Variants in ZBTB8A observed in about 807,000 individuals in gnomAD.
ZBTB8A encodes the protein zinc finger and BTB domain containing 8A.
Under a neutral mutation model 37.8 loss-of-function variants are expected in ZBTB8A, and 19 were observed. That is an observed-to-expected ratio of 0.50 (90% confidence interval 0.35 to 0.74). ZBTB8A has a LOEUF of 0.74. Among genes scored for constraint, ZBTB8A ranks in the 30% least tolerant of loss-of-function variants. The pLI is 0.01. For missense variants in ZBTB8A, 394 were observed against 537.8 expected (o/e 0.73, Z 2.65); for synonymous variants, 181 against 185.2 (o/e 0.98, Z 0.19).
chr1:32,571,356 G>T (rs1644321499), intron 2 of ZBTB8A, among the ~76,000 whole-genome samples: 1 of 152,202 alleles, frequency 6.6e-6, no homozygotes, highest in Non-Finnish European at 1.5e-5. Context: ...GCCTTTAGCA[G>T]CTGAGGAAGT....
intron 2 of ZBTB8A, among the ~76,000 whole-genome samples, chr1:32,563,627 T>C (rs1239622623): frequency 6.6e-6 from 1 of 152,060 alleles, no homozygotes; most frequent in African/African-American, 2.4e-5. Flanking sequence ...CACACCCAGC[T>C]AATTTTTGTG....
chr1:32,561,027 A>G (rs551666770), intron 2 of ZBTB8A, among the ~76,000 whole-genome samples: 1 of 152,100 alleles, frequency 6.6e-6, no homozygotes, highest in East Asian at 1.9e-4. Flanking sequence ...GATTTGATCA[A>G]ATACTAAATC....
chr1:32,545,590 A>G (rs1046917152), intron 1 of ZBTB8A, among the ~76,000 whole-genome samples: 24 of 152,116 alleles, frequency 1.6e-4, no homozygotes, highest in Admixed American at 6.6e-4. Context: ...AGAACCCCCA[A>G]AACTGGAGGG....
chr1:32,592,647 C>A (rs374216133), intron 2 of ZBTB8A, among the ~76,000 whole-genome samples: 14 of 151,650 alleles, frequency 9.2e-5, no homozygotes, highest in South Asian at 2.1e-4. Flanking sequence ...GCTGGGATTA[C>A]AGGCACCCGC....
At chr1:32,558,395 A>C (rs962393680) in intron 2 of ZBTB8A, among the ~76,000 whole-genome samples, 7 of 151,610 alleles carry the variant, frequency 4.6e-5, no homozygotes, top group Non-Finnish European at 8.8e-5. Flanking sequence ...AGATCTTCTC[A>C]TCACACAGTA....
In ZBTB8A at chr1:32,593,359, A is replaced by G. The variant is rs756016709; in HGVS notation, c.428A>G (p.Asn143Ser). ...FSLSDKDANS[N>S]GVERSSFYSG... Reference sequence around the variant, plus strand: ...CTCTCAGATAAAGATGCCAATTCTAATGGTGTAGAACGTTCCTCTTTTTAT... The same window carrying G: ...CTCTCAGATAAAGATGCCAATTCTAGTGGTGTAGAACGTTCCTCTTTTTAT... The change falls in exon 3 of 5, where the codon AAT becomes AGT. Residue 143 changes from asparagine (N) to serine (S), a missense_variant. By Grantham distance (46) the Asn-to-Ser change is conservative. Coordinates refer to ENST00000373510, the MANE Select transcript of ZBTB8A (RefSeq NM_001040441.3). The G allele has an allele frequency of 4.3e-6, 7 of 1,614,210 alleles. No individual in the cohort carries two copies. In the South Asian group the frequency reaches 7.7e-5, roughly 18 times the overall value.
chr1:32,566,400 C>T (rs534465155), intron 2 of ZBTB8A, among the ~76,000 whole-genome samples: 1 of 151,846 alleles, frequency 6.6e-6, no homozygotes, highest in South Asian at 2.1e-4. Flanking sequence ...TGGCGCATAC[C>T]TCTAGTCCCA....
At chr1:32,585,027 C>CTTTT (rs1163697499) in intron 2 of ZBTB8A, among the ~76,000 whole-genome samples, 27 of 105,612 alleles carry the variant, frequency 2.6e-4, no homozygotes, top group Non-Finnish European at 4.1e-4. Flanking sequence ...TTTCAGATTT[C>CTTTT]TTTTTTTTTT....
chr1:32,575,226 C>CTTTTTT (rs778765276), intron 2 of ZBTB8A, among the ~76,000 whole-genome samples: 5 of 100,990 alleles, frequency 5.0e-5, no homozygotes, highest in Admixed American at 1.0e-4. Flanking sequence ...CTTTTCTTTC[C>CTTTTTT]TTTTTTTTTT....
At chr1:32,547,768 C>T (rs1644117886) in intron 1 of ZBTB8A, among the ~76,000 whole-genome samples, 1 of 143,308 alleles carries the variant, frequency 7.0e-6, no homozygotes, top group African/African-American at 2.6e-5. Flanking sequence ...GTGATCTCAC[C>T]ACTGCACTCC....
chr1:32,553,207 C>T (rs189408986), intron 1 of ZBTB8A, among the ~76,000 whole-genome samples: 267 of 151,960 alleles, frequency 1.8e-3, no homozygotes, highest in African/African-American at 6.1e-3. Flanking sequence ...TTACAGGCAC[C>T]TGCCACCATG....
Position 32,556,599 on chromosome 1 carries a change from C to T in ZBTB8A, c.-2+3059C>T, listed in dbSNP as rs143069261. Among the ~76,000 whole-genome samples the T allele has an allele frequency of 9.6e-3, 1,458 of 152,204 alleles. 10 individuals carry two copies. The highest frequency in any genetic ancestry group is 0.015 in the Non-Finnish European group (1,054 of 68,010). Reference sequence around the variant, plus strand: ...TTTAAGAAAAAGCAAGGTATAGGGCCGGGCACAGTGGCTCACGCCTGTAAT... The same window carrying T: ...TTTAAGAAAAAGCAAGGTATAGGGCTGGGCACAGTGGCTCACGCCTGTAAT... On this transcript the variant is annotated intron_variant, in intron 2 of 4. Coordinates refer to ENST00000373510, the MANE Select transcript of ZBTB8A (RefSeq NM_001040441.3).
chr1:32,599,348 C>CCGG (rs1644557049), intron 4 of ZBTB8A, among the ~76,000 whole-genome samples: 1 of 151,974 alleles, frequency 6.6e-6, no homozygotes, highest in Admixed American at 6.6e-5. Flanking sequence ...TTGCTTGAGC[C>CCGG]TGGGAGGCTG....
intron 2 of ZBTB8A, among the ~76,000 whole-genome samples, chr1:32,563,459 CTTTCTTTTT>C (rs944868184): frequency 2.6e-5 from 4 of 152,124 alleles, no homozygotes; most frequent in Non-Finnish European, 4.4e-5. Flanking sequence ...TTTTCTTTTT[CTTTCTTTTT>C]TTTCTTTTTT....
chr1:32,596,599 A>C (rs901163391), intron 4 of ZBTB8A, among the ~76,000 whole-genome samples: 4 of 152,096 alleles, frequency 2.6e-5, no homozygotes, highest in South Asian at 2.1e-4. Flanking sequence ...AACAAACAAA[A>C]AAAATACATT....
chr1:32,582,696 C>T (rs978855710), intron 2 of ZBTB8A, among the ~76,000 whole-genome samples: 1 of 152,088 alleles, frequency 6.6e-6, no homozygotes, highest in Non-Finnish European at 1.5e-5. Flanking sequence ...TGATTTAATG[C>T]TTCTGTAGCA....
intron 2 of ZBTB8A, among the ~76,000 whole-genome samples, chr1:32,559,460 T>G (rs1029915079): frequency 6.7e-6 from 1 of 150,216 alleles, no homozygotes; most frequent in South Asian, 2.1e-4. Flanking sequence ...TGACAGTATT[T>G]TTTTGTTTTG....
intron 1 of ZBTB8A, among the ~76,000 whole-genome samples, chr1:32,544,901 G>A (rs564135358): frequency 1.4e-4 from 22 of 152,232 alleles, no homozygotes; most frequent in African/African-American, 3.9e-4. Context: ...CCACCTGTCC[G>A]TCAGTGGACA....
chr1:32,555,742 T>C (rs991555092), intron 2 of ZBTB8A, among the ~76,000 whole-genome samples: 1 of 152,158 alleles, frequency 6.6e-6, no homozygotes, highest in Non-Finnish European at 1.5e-5. Flanking sequence ...CCCTGTGAAC[T>C]TCAGACCAGC....
Sources: allele counts gnomAD v4.1 joint callset (sites outside exome capture counted in the v4.1 genomes callset), GRCh38; gene constraint gnomAD v4.1.1; transcripts MANE v1.5; gene names NCBI Gene and HGNC (gene_info 2026-07-23, HGNC 2026-07-21).